RGS12: variants seen among roughly 807,000 people sequenced by gnomAD.
RGS12 encodes regulator of G protein signaling 12.
RGS12 carries 66 observed loss-of-function variants against 120.1 expected under a neutral mutation model. The observed-to-expected ratio is 0.55, with a 90% CI of 0.45 to 0.67. The LOEUF (loss-of-function observed/expected upper bound fraction) is 0.67. RGS12 is among the 30% of genes least tolerant of loss of function. The pLI is 0.00. For missense variants in RGS12, 1,859 were observed against 1,957.7 expected (o/e 0.95, Z 0.95); for synonymous variants, 827 against 804.7 (o/e 1.03, Z -0.47).
At chr4:3,324,361 T>C in intron 2 of RGS12, 1 of 185,012 alleles carries the variant, frequency 5.4e-6, no homozygotes, top group South Asian at 8.4e-5. Flanking sequence ...CAACCCCTGC[T>C]GGAAGGACAA....
intron 1 of RGS12, among the ~76,000 whole-genome samples, chr4:3,310,516 G>T (rs1724324641): frequency 6.6e-6 from 1 of 152,230 alleles, no homozygotes; most frequent in African/African-American, 2.4e-5. Flanking sequence ...TGTGTCCAGG[G>T]CGGGCAGGTC....
chr4:3,394,256 G>T (rs1719828334), intron 4 of RGS12, among the ~76,000 whole-genome samples: 1 of 151,872 alleles, frequency 6.6e-6, no homozygotes, highest in Non-Finnish European at 1.5e-5. Flanking sequence ...TCTGCCTCTT[G>T]GGTTCAAGTG....
chr4:3,430,978 C>G, intron 17 of RGS12, 23 bp downstream of exon 17: 1 of 1,604,804 alleles, frequency 6.2e-7, no homozygotes, highest in East Asian at 2.2e-5. Flanking sequence ...TCTGATCCCT[C>G]CACCTTGGCC....
intron 2 of RGS12, chr4:3,324,292 G>T (rs1725412629): frequency 6.4e-6 from 1 of 156,794 alleles, no homozygotes; most frequent in African/African-American, 2.4e-5. Context: ...TGGGAGCCAC[G>T]TCACGTGCGA....
chr4:3,293,007 C>G (rs1048927402), upstream of RGS12: 1 of 149,812 alleles, frequency 6.7e-6, no homozygotes, highest in Non-Finnish European at 1.5e-5. Flanking sequence ...CTCGCCTCGA[C>G]CCCGGGGGGC....
chr4:3,430,834 G>A lies in RGS12; in HGVS notation c.3993G>A (p.Thr1331=), dbSNP rs780773786. ...AAGTGGAGGCCGGGGGCATCCAGACGGTGGAGGATGAGCACGTGGCCGAGC... is the reference window on the plus strand; with the variant it reads ...AAGTGGAGGCCGGGGGCATCCAGACAGTGGAGGATGAGCACGTGGCCGAGC... The part of the protein sequence containing the change: ...SQEVEAGGIQ[T]VEDEHVAELT... The change falls in exon 17 of 18, where the codon ACG becomes ACA. Residue 1331 remains threonine, a synonymous_variant. Coordinates refer to ENST00000336727, the MANE Select transcript of RGS12 (RefSeq NM_001394154.1). The A allele has an allele frequency of 6.6e-5, 107 of 1,611,784 alleles. No individual in the cohort carries two copies. The highest frequency in any genetic ancestry group is 1.6e-4 in the Middle Eastern group (1 of 6,080).
chr4:3,306,730 C>T (rs943339236), intron 1 of RGS12, among the ~76,000 whole-genome samples: 7 of 152,116 alleles, frequency 4.6e-5, no homozygotes, highest in Non-Finnish European at 8.8e-5. Context: ...GTGTCTGAGC[C>T]CACCCTCTGT....
chr4:3,357,350 T>C (rs550832950), intron 3 of RGS12, among the ~76,000 whole-genome samples: 1 of 152,296 alleles, frequency 6.6e-6, no homozygotes, highest in South Asian at 2.1e-4. Flanking sequence ...TCTATTGATA[T>C]TATCTTTGGT....
At chr4:3,341,717 C>G (rs71608276) in intron 2 of RGS12, among the ~76,000 whole-genome samples, 1 of 2,984 alleles carries the variant, frequency 3.4e-4, no homozygotes, top group Non-Finnish European at 6.0e-4. Flanking sequence ...GGGGTGTGGG[C>G]GGAGGGGAGG....
At chr4:3,383,197 C>T (rs1311768702) in intron 3 of RGS12, among the ~76,000 whole-genome samples, 1 of 152,188 alleles carries the variant, frequency 6.6e-6, no homozygotes, top group African/African-American at 2.4e-5. Context: ...CTGAGGCTCA[C>T]TGCGGGCTAC....
At chr4:3,344,085 T>C (rs6823136) in intron 3 of RGS12, among the ~76,000 whole-genome samples, 11,631 of 152,152 alleles carry the variant, frequency 0.076, 823 homozygotes, top group African/African-American at 0.19. Context: ...TGTTCTTAGC[T>C]GGGAAGGATC....
intron 3 of RGS12, among the ~76,000 whole-genome samples, chr4:3,344,320 G>C (rs905297530): frequency 1.3e-5 from 2 of 152,272 alleles, no homozygotes; most frequent in East Asian, 3.9e-4. Context: ...AATCAGAATC[G>C]GCTGCAATGG....
intron 3 of RGS12, among the ~76,000 whole-genome samples, chr4:3,354,321 T>C (rs1714665924): frequency 6.6e-6 from 1 of 152,150 alleles, no homozygotes; most frequent in Admixed American, 6.5e-5. Flanking sequence ...TGTAGGGGAT[T>C]AGGGCTTTAT....
intron 3 of RGS12, among the ~76,000 whole-genome samples, chr4:3,363,099 G>A (rs1433803350): frequency 1.3e-5 from 2 of 151,300 alleles, no homozygotes; most frequent in Non-Finnish European, 3.0e-5. Context: ...GCGTGTGTAT[G>A]TGAGTGTGTG....
chr4:3,382,653 TCTC>T (rs749221072), intron 3 of RGS12, among the ~76,000 whole-genome samples: 22 of 151,950 alleles, frequency 1.4e-4, no homozygotes, highest in Non-Finnish European at 3.1e-4. Flanking sequence ...GCTCTCTCTC[TCTC>T]CTCCTTATTT....
chr4:3,347,351 G>C (rs763703141), intron 3 of RGS12, among the ~76,000 whole-genome samples: 1 of 152,104 alleles, frequency 6.6e-6, no homozygotes, highest in African/African-American at 2.4e-5. Flanking sequence ...GGGTGAGGCC[G>C]GAGAATGGCG....
upstream of RGS12, among the ~76,000 whole-genome samples, chr4:3,289,975 G>T (rs1167919041): frequency 6.6e-6 from 1 of 152,166 alleles, no homozygotes; most frequent in Non-Finnish European, 1.5e-5. Flanking sequence ...CTGTGTTGTT[G>T]CAGATGGCAC....
intron 1 of RGS12, among the ~76,000 whole-genome samples, chr4:3,306,438 G>A (rs1723970624): frequency 6.6e-6 from 1 of 152,222 alleles, no homozygotes; most frequent in Non-Finnish European, 1.5e-5. Flanking sequence ...AGGCTGATTT[G>A]GGAAGTCCCG....
Position 3,430,913 on chromosome 4 carries a change from C to T in RGS12, c.4072C>T (p.Pro1358Ser). The T allele has an allele frequency of 1.2e-6, 2 of 1,612,808 alleles. No individual in the cohort carries two copies. The highest frequency in any genetic ancestry group is 1.3e-5 in the African/African-American group (1 of 75,050). The change falls in exon 17 of 18, where the codon CCG becomes TCG. Residue 1358 changes from proline to serine, a missense_variant. Transcript: ENST00000336727. Reference protein sequence around the residue: ...ISSPNSTLLPPPSTPQEVPGP... With the variant: ...ISSPNSTLLPSPSTPQEVPGP... The stretch of plus-strand genomic sequence containing the variant: ...CAGCCCCAACAGCACCTTGCTGCCG[C>T]CGCCCTCCACCCCCCAGGAAGTGCC...
Sources: allele counts gnomAD v4.1 joint callset (sites outside exome capture counted in the v4.1 genomes callset), GRCh38; gene constraint gnomAD v4.1.1; transcripts MANE v1.5; gene names NCBI Gene and HGNC (gene_info 2026-07-23, HGNC 2026-07-21).